The following CTNNA3 variants were observed in gnomAD, a reference collection of about 807,000 sequenced individuals.
CTNNA3 encodes catenin alpha-3.
A neutral mutation model predicts 95.7 loss-of-function variants in CTNNA3; 76 were observed. That is an observed-to-expected ratio of 0.79 (90% CI 0.66 to 0.96). The LOEUF (loss-of-function observed/expected upper bound fraction) is 0.96, where lower values mean the gene tolerates loss of function less well. Among genes scored for constraint, CTNNA3 ranks in the 40% least tolerant of loss-of-function variants. CTNNA3 has a pLI of 0.00. For synonymous variants in CTNNA3, 431 were observed against 374.4 expected (o/e 1.15, Z -1.74); for missense variants, 1,191 against 1,089.8 (o/e 1.09, Z -1.31).
chr10:66,019,353 A>G (rs140026551), intron 15 of CTNNA3, among the ~76,000 whole-genome samples: 20 of 152,278 alleles, frequency 1.3e-4, no homozygotes, highest in African/African-American at 4.3e-4. Context: ...GTAATTAAGT[A>G]TACATAATTT....
intron 13 of CTNNA3, among the ~76,000 whole-genome samples, chr10:66,232,973 T>C (rs1000012255): frequency 1.3e-5 from 2 of 151,788 alleles, no homozygotes; most frequent in Non-Finnish European, 2.9e-5. Flanking sequence ...CTGGCTAGCA[T>C]GGTGAAACCC....
intron 2 of CTNNA3, among the ~76,000 whole-genome samples, chr10:67,647,105 G>A (rs949090422): frequency 2.0e-5 from 3 of 147,048 alleles, no homozygotes; most frequent in Non-Finnish European, 4.5e-5. Flanking sequence ...CAGTTTTCAC[G>A]ATTATCAAAG....
chr10:66,907,584 G>C (rs1002562976), intron 7 of CTNNA3, among the ~76,000 whole-genome samples: 1 of 152,108 alleles, frequency 6.6e-6, no homozygotes, highest in African/African-American at 2.4e-5. Flanking sequence ...GTTCCTGCCA[G>C]ACTTCTAGCT....
intron 14 of CTNNA3, among the ~76,000 whole-genome samples, chr10:66,083,254 A>T (rs1387761352): frequency 6.6e-6 from 1 of 152,196 alleles, no homozygotes; most frequent in Non-Finnish European, 1.5e-5. Flanking sequence ...TACTAGAATA[A>T]CATCATTAAA....
chr10:66,182,349 G>T (rs1286595360), intron 13 of CTNNA3, among the ~76,000 whole-genome samples: 1 of 149,784 alleles, frequency 6.7e-6, no homozygotes, highest in African/African-American at 2.5e-5. Flanking sequence ...TCCGCCTCCC[G>T]GGTTCACGCC....
At chr10:66,821,360 G>T (rs141581219) in intron 7 of CTNNA3, among the ~76,000 whole-genome samples, 42 of 152,146 alleles carry the variant, frequency 2.8e-4, no homozygotes, top group African/African-American at 9.4e-4. Context: ...GGCATATTCT[G>T]GCTATAAATA....
At chr10:67,276,752 T>C (rs1002196951) in intron 5 of CTNNA3, among the ~76,000 whole-genome samples, 4 of 152,126 alleles carry the variant, frequency 2.6e-5, no homozygotes, top group Non-Finnish European at 4.4e-5. Flanking sequence ...GGATCGTGAA[T>C]TGATAATTAC....
At chr10:67,127,625 C>T (rs1043713431) in intron 7 of CTNNA3, among the ~76,000 whole-genome samples, 7 of 152,142 alleles carry the variant, frequency 4.6e-5, no homozygotes. Flanking sequence ...TGAGTCATAA[C>T]ATTGAGAATA....
In CTNNA3 at chr10:66,685,216, T is replaced by C. The variant is rs1200463205; in HGVS notation, c.1282-63432A>G. ...GTGTATATATATATACGTATATATATGTGTATATATATACGTATATATGTG... is the reference window on the plus strand; with the variant it reads ...GTGTATATATATATACGTATATATACGTGTATATATATACGTATATATGTG... On this transcript the variant is annotated intron_variant, in intron 9 of 17. Coordinates refer to ENST00000433211, the MANE Select transcript of CTNNA3 (RefSeq NM_013266.4). Among the ~76,000 whole-genome samples the C allele has an allele frequency of 4.2e-5, 6 of 141,910 alleles. No individual in the cohort carries two copies. In the East Asian group the frequency reaches 1.2e-3, roughly 29 times the overall value. The allele number at this position is 141,910 out of a possible 152,430, so 93.1% of individuals were successfully genotyped here. A position where few individuals can be genotyped will look rare whatever the true frequency, so the allele number is the denominator to read the frequency against.
chr10:67,504,024 G>C (rs918499364), intron 5 of CTNNA3, among the ~76,000 whole-genome samples: 2 of 151,664 alleles, frequency 1.3e-5, no homozygotes, highest in Middle Eastern at 3.2e-3. Context: ...GGGCATGGTG[G>C]TGGGTGCCTG....
At position 66,956,491 on chromosome 10, in the gene CTNNA3, A is replaced by G. The variant is rs147851119; in HGVS notation, c.1048-180967T>C. On this transcript the variant is annotated intron_variant, in intron 7 of 17. Coordinates refer to ENST00000433211, the MANE Select transcript of CTNNA3 (RefSeq NM_013266.4). ...TTTGCAAGTTATTGTCATCCAGGCA[A>G]TAAACAATAATTACATTATTTCTAC... Among the ~76,000 whole-genome samples, 58 of 152,236 alleles carry G rather than the reference A, an allele frequency of 3.8e-4. No homozygotes were observed. In the East Asian group the frequency reaches 0.011, roughly 28 times the overall value.
chr10:67,367,109 T>C (rs75313420), intron 5 of CTNNA3, among the ~76,000 whole-genome samples: 2,721 of 152,208 alleles, frequency 0.018, 85 homozygotes, highest in African/African-American at 0.06. Flanking sequence ...AAAGTGCTTC[T>C]GCAAAGCAAA....
At chr10:67,537,969 TA>T (rs367823492) in intron 4 of CTNNA3, among the ~76,000 whole-genome samples, 101 of 145,758 alleles carry the variant, frequency 6.9e-4, no homozygotes, top group African/African-American at 1.7e-3. Flanking sequence ...CTACTTAAAC[TA>T]AAAAAAAAAG....
chr10:65,949,289 AT>A (rs1480398948), intron 17 of CTNNA3, among the ~76,000 whole-genome samples: 14 of 152,324 alleles, frequency 9.2e-5, no homozygotes, highest in South Asian at 6.2e-4. Flanking sequence ...ACCATGTGAC[AT>A]TTGGCAAGTT....
chr10:66,427,058 C>A (rs1259299709), intron 11 of CTNNA3, among the ~76,000 whole-genome samples: 2 of 151,660 alleles, frequency 1.3e-5, no homozygotes, highest in African/African-American at 4.8e-5. Context: ...CTCAAAGGCC[C>A]TTTTGTCAAT....
chr10:67,557,851 A>T (rs181729671), intron 3 of CTNNA3, among the ~76,000 whole-genome samples: 4 of 152,210 alleles, frequency 2.6e-5, no homozygotes, highest in African/African-American at 7.2e-5. Context: ...ACCACTCATT[A>T]CTCAACACCT....
chr10:67,097,649 T>C (rs1265553720), intron 7 of CTNNA3: 1 of 1,612,666 alleles, frequency 6.2e-7, no homozygotes, highest in Non-Finnish European at 8.5e-7. Context: ...TAAGTTACTG[T>C]GGGGTGCATC....
chr10:66,374,206 T>C (rs2092775895), intron 12 of CTNNA3, among the ~76,000 whole-genome samples: 1 of 152,072 alleles, frequency 6.6e-6, no homozygotes. Flanking sequence ...TACAATCTAG[T>C]GGGAGAAACT....
intron 7 of CTNNA3, among the ~76,000 whole-genome samples, chr10:66,873,383 T>TC (rs1844489464): frequency 6.6e-6 from 1 of 151,816 alleles, no homozygotes; most frequent in Admixed American, 6.6e-5. Flanking sequence ...TTTTTGTTTT[T>TC]TTTTTACTTT....
Sources: allele counts gnomAD v4.1 joint callset (sites outside exome capture counted in the v4.1 genomes callset), GRCh38; gene constraint gnomAD v4.1.1; transcripts MANE v1.5; gene names NCBI Gene and HGNC (gene_info 2026-07-23, HGNC 2026-07-21).